Variants in ARHGAP24 observed in about 807,000 individuals in gnomAD.
ARHGAP24 encodes rho GTPase-activating protein 24.
ARHGAP24 carries 50 observed loss-of-function variants against 76.4 expected under a neutral mutation model. That is an observed-to-expected ratio of 0.65 (90% CI 0.52 to 0.83). The LOEUF (loss-of-function observed/expected upper bound fraction) is 0.83, where lower values mean the gene tolerates loss of function less well. ARHGAP24 is among the 40% of genes least tolerant of loss of function. ARHGAP24 has a pLI of 0.00. For missense variants in ARHGAP24, 930 were observed against 914.2 expected, an observed-to-expected ratio of 1.02 and a Z score of -0.22; for synonymous variants, 345 against 323.3, an observed-to-expected ratio of 1.07 and a Z score of -0.72.
chr4:85,694,709 G>A (rs1411007258), intron 2 of ARHGAP24, among the ~76,000 whole-genome samples: 1 of 152,028 alleles, frequency 6.6e-6, no homozygotes, highest in Admixed American at 6.5e-5. Flanking sequence ...ATATATACAT[G>A]TATACATATA....
chr4:85,562,151 T>C (rs1726623318), intron 1 of ARHGAP24, among the ~76,000 whole-genome samples: 1 of 152,216 alleles, frequency 6.6e-6, no homozygotes. Flanking sequence ...AACTATTAGA[T>C]AGTTTTAGAA....
chr4:85,509,817 A>G (rs1724205386), intron 1 of ARHGAP24, among the ~76,000 whole-genome samples: 2 of 152,012 alleles, frequency 1.3e-5, no homozygotes, highest in Admixed American at 1.3e-4. Context: ...ATTTATATTT[A>G]TAATATGTAA....
intron 2 of ARHGAP24, among the ~76,000 whole-genome samples, chr4:85,616,389 T>G (rs1355617924): frequency 6.6e-6 from 1 of 152,198 alleles, no homozygotes; most frequent in Non-Finnish European, 1.5e-5. Context: ...AAAGAAAACA[T>G]TAATTTTAAT....
rs1736972004 is a variant in ARHGAP24 at position 85,941,945 on chromosome 4, ATGT to A, written c.392-119_392-117del. The stretch of plus-strand genomic sequence containing the variant: ...ATTGTATAATAATGTGAAATACTGA[ATGT>A]TAAGTGCTTGCTAGCATTCCAATCT... On this transcript the variant is annotated intron_variant, in intron 4 of 9. Transcript: ENST00000395184. The A allele has an allele frequency of 6.3e-6, 6 of 952,872 alleles. No individual in the cohort carries two copies. The African/African-American group carries it at 9.8e-5, about 16-fold the overall frequency. The allele number at this position is 952,872 out of a possible 1,614,324, so 59.0% of individuals were successfully genotyped here. A position where few individuals can be genotyped will look rare whatever the true frequency, so the allele number is the denominator to read the frequency against.
At chr4:85,583,223 T>A (rs72979948) in intron 2 of ARHGAP24, among the ~76,000 whole-genome samples, 1 of 152,164 alleles carries the variant, frequency 6.6e-6, no homozygotes, top group Non-Finnish European at 1.5e-5. Context: ...TTAAAGATGG[T>A]TTAGCTAATA....
chr4:85,906,303 G>A (rs1476179895), intron 3 of ARHGAP24, among the ~76,000 whole-genome samples: 1 of 152,090 alleles, frequency 6.6e-6, no homozygotes, highest in Admixed American at 6.6e-5. Flanking sequence ...CATGTCATAT[G>A]GCTGGAGATG....
At chr4:85,620,959 A>G (rs1471145131) in intron 2 of ARHGAP24, among the ~76,000 whole-genome samples, 3 of 151,754 alleles carry the variant, frequency 2.0e-5, no homozygotes, top group Non-Finnish European at 2.9e-5. Context: ...AGTCCCTAGT[A>G]TCTATTGTTT....
At chr4:85,749,753 G>A (rs958013537) in intron 3 of ARHGAP24, among the ~76,000 whole-genome samples, 1 of 152,056 alleles carries the variant, frequency 6.6e-6, no homozygotes, top group Admixed American at 6.6e-5. Context: ...TTTTAGTAGG[G>A]ACAGGATTTC....
intron 3 of ARHGAP24, among the ~76,000 whole-genome samples, chr4:85,823,210 A>G (rs1053640339): frequency 2.0e-5 from 3 of 152,210 alleles, no homozygotes; most frequent in Non-Finnish European, 1.5e-5. Flanking sequence ...CACTACCTAG[A>G]GATAAAAACT....
chr4:85,885,585 T>C (rs1733518951), intron 3 of ARHGAP24, among the ~76,000 whole-genome samples: 1 of 152,146 alleles, frequency 6.6e-6, no homozygotes, highest in Non-Finnish European at 1.5e-5. Context: ...TCTTGGATCA[T>C]AGACTATATG....
At chr4:85,580,640 A>G (rs1457176830) in intron 2 of ARHGAP24, among the ~76,000 whole-genome samples, 2 of 152,190 alleles carry the variant, frequency 1.3e-5, no homozygotes, top group Non-Finnish European at 2.9e-5. Flanking sequence ...GGATAAGTGC[A>G]AAGCAGCCTC....
chr4:85,972,032 A>C lies in ARHGAP24; in HGVS notation c.600-4A>C, dbSNP rs1202420987. The C allele has an allele frequency of 1.9e-6, 3 of 1,613,876 alleles. No homozygotes were observed. Among genetic ancestry groups the C allele is most frequent in the Non-Finnish European group, 2.5e-6 (3 of 1,179,960 alleles). The stretch of plus-strand genomic sequence containing the variant: ...AGAATATCTTCACACTTCTGTCTCC[A>C]CAGCAACACAGATGTACACACGGTG... On this transcript the variant is annotated splice_polypyrimidine_tract_variant and splice_region_variant and intron_variant, in intron 5 of 9. Coordinates refer to ENST00000395184, the MANE Select transcript of ARHGAP24 (RefSeq NM_001025616.3).
At chr4:85,854,089 C>T (rs1277593336) in intron 3 of ARHGAP24, among the ~76,000 whole-genome samples, 11 of 147,326 alleles carry the variant, frequency 7.5e-5, no homozygotes, top group African/African-American at 2.0e-4. Context: ...GAGCCAAGAC[C>T]ACACCATTGC....
At chr4:85,906,824 GAA>G (rs1029356745) in intron 3 of ARHGAP24, among the ~76,000 whole-genome samples, 14 of 148,882 alleles carry the variant, frequency 9.4e-5, no homozygotes, top group African/African-American at 3.5e-4. Flanking sequence ...AAGACAAAAA[GAA>G]GAGATTTTTT....
intron 3 of ARHGAP24, among the ~76,000 whole-genome samples, chr4:85,922,919 G>A (rs2148811174): frequency 6.6e-6 from 1 of 152,306 alleles, no homozygotes; most frequent in South Asian, 2.1e-4. Context: ...TTGTTCTTTG[G>A]GGAAAAATAC....
At chr4:85,526,071 T>C (rs1724980135) in intron 1 of ARHGAP24, among the ~76,000 whole-genome samples, 1 of 152,284 alleles carries the variant, frequency 6.6e-6, no homozygotes, top group East Asian at 1.9e-4. Flanking sequence ...GATACCTGTA[T>C]TGATAAACAC....
chr4:86,001,991 A>T lies in ARHGAP24; in HGVS notation c.*1269A>T, dbSNP rs1741049464. 1 of 152,270 alleles carries T rather than the reference A, an allele frequency of 6.6e-6. No homozygotes were observed. Among genetic ancestry groups the T allele is most frequent in the Non-Finnish European group, 1.5e-5 (1 of 68,058 alleles). The allele number at this position is 152,270 out of a possible 1,614,324, so 9.4% of individuals were successfully genotyped here. ...AAGTTCCAATTTTAGCAAATATGGG[A>T]ACCTCAGCAATGCTAATTTTCTAGA... On this transcript the variant is annotated 3_prime_UTR_variant, in exon 10 of 10. Transcript: ENST00000395184.
chr4:85,930,920 A>G, intron 4 of ARHGAP24: 1 of 1,613,788 alleles, frequency 6.2e-7, no homozygotes, highest in African/African-American at 1.3e-5. Flanking sequence ...TCAGAACTTC[A>G]GGCCTGTACG....
At chr4:85,652,820 G>C (rs1721994822) in intron 2 of ARHGAP24, among the ~76,000 whole-genome samples, 1 of 152,138 alleles carries the variant, frequency 6.6e-6, no homozygotes, top group East Asian at 1.9e-4. Flanking sequence ...GTCTGTCTAG[G>C]CTGGTTGGGT....
Sources: gnomAD v4.1 joint callset for allele counts (sites outside exome capture counted in the v4.1 genomes callset) on GRCh38, gnomAD v4.1.1 for gene constraint, MANE v1.5 for transcripts, NCBI Gene and HGNC (gene_info 2026-07-23, HGNC 2026-07-21) for gene names.